The following DENND5B variants were observed in gnomAD, a reference collection of about 807,000 sequenced individuals.
DENND5B encodes the protein DENN domain containing 5B.
A neutral mutation model predicts 140.6 loss-of-function variants in DENND5B; 34 were observed. That is an observed-to-expected ratio of 0.24 (90% CI 0.18 to 0.32). The LOEUF (loss-of-function observed/expected upper bound fraction) is 0.32. DENND5B is among the 10% of genes least tolerant of loss of function. The pLI, the probability that DENND5B is intolerant of heterozygous loss-of-function variation, is 1.00. For synonymous variants in DENND5B, 551 were observed against 562.1 expected, an observed-to-expected ratio of 0.98 and a Z score of 0.28; for missense variants, 1,142 against 1,560.2, an observed-to-expected ratio of 0.73 and a Z score of 4.52.
chr12:31,439,084 ATTAAT>A (rs541588214), intron 7 of DENND5B, among the ~76,000 whole-genome samples: 29 of 152,360 alleles, frequency 1.9e-4, no homozygotes, highest in African/African-American at 6.7e-4. Flanking sequence ...TTGTTAAGTA[ATTAAT>A]TTATTCTTTG....
Position 31,467,515 on chromosome 12 carries a change from C to T in DENND5B, c.905-7134G>A, listed in dbSNP as rs1024294967. Among the ~76,000 whole-genome samples the T allele has an allele frequency of 4.6e-5, 7 of 151,752 alleles. No homozygotes were observed. In the East Asian group the frequency reaches 1.3e-3, roughly 29 times the overall value. On this transcript the variant is annotated intron_variant, in intron 3 of 20. Coordinates refer to ENST00000389082, the MANE Select transcript of DENND5B (RefSeq NM_144973.4). ...ATTAGCCCAGCATGGTGGCGTGTGC[C>T]TGTAGTCCCAGCTATCAGGAGGCTG...
Position 31,490,029 on chromosome 12 carries a change from G to T in DENND5B, c.237+5781C>A, listed in dbSNP as rs538118529. Among the ~76,000 whole-genome samples the T allele has an allele frequency of 4.6e-5, 7 of 152,276 alleles. No homozygotes were observed. The East Asian group carries it at 1.4e-3, about 29-fold the overall frequency. On this transcript the variant is annotated intron_variant, in intron 2 of 20. Transcript: ENST00000389082. ...CCAAGGTGAGTATACGGAACAGAGA[G>T]AAGTAGACAGATAACTGATTATATA...
At chr12:31,414,001 T>G (rs1042290626) in intron 12 of DENND5B, among the ~76,000 whole-genome samples, 1 of 152,256 alleles carries the variant, frequency 6.6e-6, no homozygotes, top group African/African-American at 2.4e-5. Flanking sequence ...ACTTTTCAAG[T>G]TGCACTGGAC....
Position 31,426,891 on chromosome 12 carries a change from C to A in DENND5B, c.2107-467G>T, listed in dbSNP as rs149392577. The stretch of plus-strand genomic sequence containing the variant: ...TCCTGGGCAGTGCTCTCCAATCTAA[C>A]CCTTTGCTCTATAATCAAGTCACAA... On this transcript the variant is annotated intron_variant, in intron 8 of 20. Transcript: ENST00000389082. 3.4e-3 allele frequency: 539 copies of A among 158,404 alleles called. 6 individuals carry two copies. The highest frequency in any genetic ancestry group is 0.011 in the African/African-American group (470 of 41,614). The allele number at this position is 158,404 out of a possible 1,614,324, so 9.8% of individuals were successfully genotyped here.
chr12:31,403,896 CCAAAAAA>C (rs1363038893), intron 14 of DENND5B, among the ~76,000 whole-genome samples: 1 of 81,628 alleles, frequency 1.2e-5, no homozygotes, highest in African/African-American at 4.9e-5. Context: ...AACTCCATCT[CCAAAAAA>C]AAAAAAAAAA....
chr12:31,509,835 A>C (rs1333920024), intron 1 of DENND5B, among the ~76,000 whole-genome samples: 1 of 152,172 alleles, frequency 6.6e-6, no homozygotes, highest in Admixed American at 6.5e-5. Flanking sequence ...GCCCTCATTG[A>C]GGTGATGTTT....
At chr12:31,460,944 T>C (rs541245654) in intron 3 of DENND5B, among the ~76,000 whole-genome samples, 5 of 152,200 alleles carry the variant, frequency 3.3e-5, no homozygotes, top group Admixed American at 2.6e-4. Flanking sequence ...CAGGGTGATC[T>C]TGAACTCTTG....
intron 1 of DENND5B, chr12:31,540,831 G>T (rs948850983): frequency 4.8e-6 from 1 of 208,346 alleles, no homozygotes; most frequent in African/African-American, 2.3e-5. Flanking sequence ...AAAACAGGAT[G>T]ATACTGGCAT....
chr12:31,560,043 T>C (rs1039147155), intron 1 of DENND5B, among the ~76,000 whole-genome samples: 41 of 152,220 alleles, frequency 2.7e-4, no homozygotes, highest in African/African-American at 9.2e-4. Flanking sequence ...TCCTCTTCTC[T>C]ATCCACATTC....
At chr12:31,451,875 A>T (rs888021135) in intron 5 of DENND5B, 65 bp downstream of exon 5, 5 of 1,536,974 alleles carry the variant, frequency 3.3e-6, no homozygotes, top group Non-Finnish European at 3.5e-6. Flanking sequence ...TAAAAAATTT[A>T]AAAATGTTAA....
At chr12:31,496,380 A>C (rs923640869) in intron 1 of DENND5B, among the ~76,000 whole-genome samples, 3 of 152,214 alleles carry the variant, frequency 2.0e-5, no homozygotes, top group African/African-American at 7.2e-5. Context: ...ATCTCTGAGA[A>C]ATGTGATTGC....
intron 1 of DENND5B, among the ~76,000 whole-genome samples, chr12:31,587,525 CCTTTTTTTTTTT>C (rs1950435912): frequency 7.7e-6 from 1 of 130,604 alleles, no homozygotes; most frequent in African/African-American, 2.9e-5. Flanking sequence ...ACCACAAATA[CCTTTTTTTTTTT>C]TTTTTTTTTT....
At chr12:31,407,780 G>C (rs1942215442) in intron 14 of DENND5B, among the ~76,000 whole-genome samples, 1 of 152,094 alleles carries the variant, frequency 6.6e-6, no homozygotes, top group Non-Finnish European at 1.5e-5. Context: ...AATGAGCCTG[G>C]GTCCGTGACA....
chr12:31,505,560 T>C (rs1014329480), intron 1 of DENND5B, among the ~76,000 whole-genome samples: 1 of 152,054 alleles, frequency 6.6e-6, no homozygotes, highest in Non-Finnish European at 1.5e-5. Context: ...TTTTAATGCA[T>C]GTTCTCCACC....
At chr12:31,502,142 C>T (rs1947031220) in intron 1 of DENND5B, among the ~76,000 whole-genome samples, 1 of 151,886 alleles carries the variant, frequency 6.6e-6, no homozygotes, top group African/African-American at 2.4e-5. Flanking sequence ...TGGTGAAACC[C>T]CATCTCTACT....
intron 5 of DENND5B, chr12:31,451,679 A>G (rs925910209): frequency 2.9e-5 from 12 of 412,370 alleles, no homozygotes; most frequent in African/African-American, 4.1e-5. Context: ...ATGAGATTAC[A>G]GGCAATTTAA....
At chr12:31,453,187 A>T (rs1944617916) in intron 4 of DENND5B, among the ~76,000 whole-genome samples, 1 of 152,206 alleles carries the variant, frequency 6.6e-6, no homozygotes, top group African/African-American at 2.4e-5. Context: ...TACCTAATGC[A>T]GGAGGCAGAG....
chr12:31,557,821 A>G (rs963251366), intron 1 of DENND5B, among the ~76,000 whole-genome samples: 4 of 142,368 alleles, frequency 2.8e-5, no homozygotes, highest in African/African-American at 9.9e-5. Context: ...TGGCAAAAAA[A>G]AAAAAAAAAA....
intron 1 of DENND5B, among the ~76,000 whole-genome samples, chr12:31,500,176 C>T (rs1193594170): frequency 2.6e-5 from 4 of 152,016 alleles, no homozygotes; most frequent in Non-Finnish European, 5.9e-5. Context: ...TTTTAGATCT[C>T]GGATTTTTGG....
Sources: allele counts gnomAD v4.1 joint callset (sites outside exome capture counted in the v4.1 genomes callset), GRCh38; gene constraint gnomAD v4.1.1; transcripts MANE v1.5; gene names NCBI Gene and HGNC (gene_info 2026-07-23, HGNC 2026-07-21).